SIPA1: variants seen among roughly 807,000 people sequenced by gnomAD.
The protein encoded by SIPA1 is signal-induced proliferation-associated protein 1.
A neutral mutation model predicts 88.1 loss-of-function variants in SIPA1; 51 were observed. The observed-to-expected ratio is 0.58, with a 90% CI of 0.46 to 0.73. SIPA1 has a LOEUF of 0.73. Ranked by LOEUF, SIPA1 falls within the 30% of genes least tolerant of loss-of-function variation. The pLI is 0.00. For missense variants in SIPA1, 1,348 were observed against 1,467.6 expected (o/e 0.92, Z 1.33); for synonymous variants, 681 against 664.8 (o/e 1.02, Z -0.37).
chr11:65,639,855 C>G (rs1855968529), intron 1 of SIPA1: 1 of 152,354 alleles, frequency 6.6e-6, no homozygotes, highest in South Asian at 2.1e-4. Context: ...CGCACACAGA[C>G]AGCAGTGGGC....
In SIPA1 at chr11:65,641,111, A is replaced by G. The variant is rs542502238; in HGVS notation, c.190A>G (p.Thr64Ala). Residue 64 changes from threonine to alanine, a missense_variant, in exon 2 of 16, where the codon ACG becomes GCG. Physicochemically the swap from Thr to Ala is moderately conservative, Grantham distance 58 (BLOSUM62 0). Transcript: ENST00000534313. ...GSDAGEARPP[T>A]PASPRARAHS... The stretch of plus-strand genomic sequence containing the variant: ...CGATGCAGGCGAGGCCAGGCCCCCC[A>G]CGCCAGCCAGCCCCCGTGCCCGTGC... 6.2e-7 allele frequency: 1 copy of G among 1,601,000 alleles called. No individual in the cohort carries two copies. The highest frequency in any genetic ancestry group is 2.2e-5 in the East Asian group (1 of 44,814).
Position 65,642,681 on chromosome 11 carries a change from C to T in SIPA1, c.984+42C>T. The T allele has an allele frequency of 6.8e-7, 1 of 1,463,830 alleles. No individual in the cohort carries two copies. Among genetic ancestry groups the T allele is most frequent in the Admixed American group, 2.3e-5 (1 of 43,476 alleles). 90.7% of individuals were successfully genotyped at this position (1,463,830 alleles called of 1,614,324 possible). ...GGAGCCCCCAGCCATACAGCTGGCC[C>T]CAGTCTGAACCCAGCCTGCCCAGCT... On this transcript the variant is annotated intron_variant, in intron 4 of 15. Transcript: ENST00000534313. The surrounding 1 kb of genome is among the most constrained non-coding windows in gnomAD (Gnocchi z 6.5).
In SIPA1 at chr11:65,642,394, G is replaced by C; in HGVS notation, c.807+17G>C. 1 of 1,589,384 alleles carries C rather than the reference G, an allele frequency of 6.3e-7. No homozygotes were observed. Among genetic ancestry groups the C allele is most frequent in the Non-Finnish European group, 8.6e-7 (1 of 1,166,354 alleles). ...ACCACGCAGGTGGGCCGGGATCGCG[G>C]GATCAGGACGTGGGTTGCCTCCCCG... On this transcript the variant is annotated intron_variant, in intron 3 of 15. Coordinates refer to ENST00000534313, the MANE Select transcript of SIPA1 (RefSeq NM_006747.4). The surrounding 1 kb of genome is among the most constrained non-coding windows in gnomAD (Gnocchi z 6.5).
rs1349891565 is a variant in SIPA1, at chr11:65,650,136, A to G, written c.2849-2A>G. 6.2e-7 allele frequency: 1 copy of G among 1,613,944 alleles called. No individual in the cohort carries two copies. The highest frequency in any genetic ancestry group is 8.5e-7 in the Non-Finnish European group (1 of 1,179,964). ...GCCCACCTGATCCCTTTGTCCCCAC[A>G]GGACAGCCCATCCCAGAGAGTGGAG... On this transcript the variant is annotated splice_acceptor_variant, in intron 13 of 15. Coordinates refer to ENST00000534313, the MANE Select transcript of SIPA1 (RefSeq NM_006747.4). LOFTEE classifies it high-confidence loss of function.
At chr11:65,641,738 C>A in intron 2 of SIPA1, 138 bp downstream of exon 2, 1 of 809,470 alleles carries the variant, frequency 1.2e-6, no homozygotes, top group Non-Finnish European at 1.9e-6. Flanking sequence ...AAGAGCTGAG[C>A]TGGGGTCCTC....
At chr11:65,647,725 C>T in intron 9 of SIPA1, 67 bp downstream of exon 9, 3 of 1,228,078 alleles carry the variant, frequency 2.4e-6, no homozygotes, top group Non-Finnish European at 2.1e-6. Context: ...TCTGCGCCTC[C>T]CGGGTCGCCA....
Position 65,646,247 on chromosome 11 carries a change from C to T in SIPA1, c.1290C>T (p.Asn430=). 6.2e-7 allele frequency: 1 copy of T among 1,614,112 alleles called. No homozygotes were observed. Among genetic ancestry groups the T allele is most frequent in the South Asian group, 1.1e-5 (1 of 91,088 alleles). Residue 430 remains asparagine, a synonymous_variant, in exon 7 of 16, where the codon AAC becomes AAT. Transcript: ENST00000534313. This position sits in a 1 kb window ranked among gnomAD's most constrained non-coding sequence, Gnocchi z 7.5. The stretch of plus-strand genomic sequence containing the variant: ...TCCTCCGGAAGCGCCACATTGGCAA[C>T]GACATTGTGACCATCGTGTTCCAGG... The part of the protein sequence containing the change: ...QQLLRKRHIG[N]DIVTIVFQEP...
rs1352658487 is a variant in SIPA1, at chr11:65,642,216, G to A, written c.680-34G>A. The A allele has an allele frequency of 3.2e-6, 5 of 1,546,040 alleles. No individual in the cohort carries two copies. The highest frequency in any genetic ancestry group is 2.8e-5 in the African/African-American group (2 of 72,658). On this transcript the variant is annotated intron_variant, in intron 2 of 15. Coordinates refer to ENST00000534313, the MANE Select transcript of SIPA1 (RefSeq NM_006747.4). The surrounding 1 kb of genome is among the most constrained non-coding windows in gnomAD (Gnocchi z 6.5). ...AGCGGGGGCGGGGCTGCCAGAGGGC[G>A]GGACCAATCGTTTTCTTCGGCGCGG...
In SIPA1 at chr11:65,650,485, G is replaced by A. The variant is rs1856243506; in HGVS notation, c.2982+6G>A. 1 of 1,614,124 alleles carries A rather than the reference G, an allele frequency of 6.2e-7. No homozygotes were observed. Among genetic ancestry groups the A allele is most frequent in the Non-Finnish European group, 8.5e-7 (1 of 1,179,992 alleles). ...TGCAGGAGGACCTGCAGAAGGTGAG[G>A]GGTGGGCTGAGCTTGGGGGGAGTCA... On this transcript the variant is annotated splice_donor_region_variant and intron_variant, in intron 15 of 15. Coordinates refer to ENST00000534313, the MANE Select transcript of SIPA1 (RefSeq NM_006747.4).
In SIPA1 at chr11:65,646,455, G is replaced by T; in HGVS notation, c.1422-1G>T. On this transcript the variant is annotated splice_acceptor_variant, in intron 7 of 15. Coordinates refer to ENST00000534313, the MANE Select transcript of SIPA1 (RefSeq NM_006747.4). LOFTEE classifies it high-confidence loss of function. This position sits in a 1 kb window ranked among gnomAD's most constrained non-coding sequence, Gnocchi z 7.5. The stretch of plus-strand genomic sequence containing the variant: ...CCTCACTAACGCCTCCCTCCCCGCA[G>T]GGTGGCCGTGAGCCGCACCCAGGAC... 1 of 1,586,356 alleles carries T rather than the reference G, an allele frequency of 6.3e-7. No individual in the cohort carries two copies. Among genetic ancestry groups the T allele is most frequent in the Non-Finnish European group, 8.5e-7 (1 of 1,171,024 alleles).
rs371556373 is a variant in SIPA1 at position 65,649,956 on chromosome 11, C to T, written c.2753C>T (p.Ser918Leu). 101 of 1,613,944 alleles carry T rather than the reference C, an allele frequency of 6.3e-5. No individual in the cohort carries two copies. Among genetic ancestry groups the T allele is most frequent in the African/African-American group, 3.9e-4 (29 of 75,016 alleles). The change falls in exon 13 of 16, where the codon TCG becomes TTG. Residue 918 changes from serine to leucine, a missense_variant. By Grantham distance (145) the Ser-to-Leu change is moderately radical (BLOSUM62 -2). Around this residue, in one of 4 missense-constraint regions of SIPA1, gnomAD observed 615 missense variants for 559.8 expected, o/e 1.10. Transcript: ENST00000534313. ...CTGCTCCTTGTGCCCACAGTCATGT[C>T]GGAGGCGGGCAGTGGGACCCTGGAG... Reference protein sequence around the residue: ...SLRNSISRIMSEAGSGTLEDE... With the variant: ...SLRNSISRIMLEAGSGTLEDE...
chr11:65,647,346 C>T (rs1856146939), intron 8 of SIPA1, 38 bp from the exon 9 acceptor site: 2 of 1,377,508 alleles, frequency 1.5e-6, no homozygotes, highest in African/African-American at 1.5e-5. Flanking sequence ...GGCCCCACCT[C>T]CCGGCAGCCC....
intron 8 of SIPA1, 150 bp downstream of exon 8, chr11:65,647,215 T>G: frequency 7.2e-7 from 1 of 1,396,964 alleles, no homozygotes; most frequent in East Asian, 2.7e-5. Context: ...AGGCCGGAAC[T>G]GGTGCCCTCG....
Position 65,646,628 on chromosome 11 carries a change from C to T in SIPA1, c.1594C>T (p.Arg532Cys), listed in dbSNP as rs868747260. The change falls in exon 8 of 16, where the codon CGC becomes TGC. Residue 532 changes from arginine (R) to cysteine (C), a missense_variant. Arg to Cys is a radical substitution (Grantham distance 180). This residue lies in a region of SIPA1 where 641 missense variants were observed against 797.7 expected (regional missense o/e 0.80). Coordinates refer to ENST00000534313, the MANE Select transcript of SIPA1 (RefSeq NM_006747.4). The surrounding 1 kb of genome is among the most constrained non-coding windows in gnomAD (Gnocchi z 7.5). ...GTTCCACGCCATGGCCACGCGCACC[C>T]GCCAGCAGTACCTGCAAGACCTGGC... ...RQFHAMATRT[R>C]QQYLQDLATN... 4.5e-6 allele frequency: 7 copies of T among 1,548,286 alleles called. No homozygotes were observed. Among genetic ancestry groups the T allele is most frequent in the Non-Finnish European group, 6.1e-6 (7 of 1,150,358 alleles).
chr11:65,641,524 G>A lies in SIPA1; in HGVS notation c.603G>A (p.Gln201=). The part of the protein sequence containing the change: ...NAAVSILEEP[Q]NRTSAYSLEH... The stretch of plus-strand genomic sequence containing the variant: ...CCGTGTCCATCCTGGAGGAGCCACA[G>A]AACCGAACCTCGGCCTACAGCCTGG... Residue 201 remains glutamine (Q), a synonymous_variant, in exon 2 of 16, where the codon CAG becomes CAA. Transcript: ENST00000534313. The A allele has an allele frequency of 1.2e-6, 2 of 1,612,434 alleles. No individual in the cohort carries two copies. Among genetic ancestry groups the A allele is most frequent in the Non-Finnish European group, 1.7e-6 (2 of 1,179,988 alleles).
intron 1 of SIPA1, among the ~76,000 whole-genome samples, chr11:65,638,890 G>A (rs1256310912): frequency 1.3e-5 from 2 of 152,218 alleles, no homozygotes; most frequent in African/African-American, 4.8e-5. Flanking sequence ...AGCGTGCAGA[G>A]CTCAGCCCAC....
At chr11:65,648,278 G>A (rs751069327) in intron 9 of SIPA1, among the ~76,000 whole-genome samples, 6 of 151,794 alleles carry the variant, frequency 4.0e-5, no homozygotes, top group Non-Finnish European at 7.4e-5. Context: ...ATTGGCACCC[G>A]CCCACCCAAC....
chr11:65,650,719 G>T lies in SIPA1; in HGVS notation c.*4G>T, dbSNP rs374197908. The stretch of plus-strand genomic sequence containing the variant: ...ACCCACCGCCGACCTGGCCTGAGCC[G>T]TCTGGAACCACCTGGGCCCCTGAGG... On this transcript the variant is annotated 3_prime_UTR_variant, in exon 16 of 16. Transcript: ENST00000534313. 4 of 1,566,392 alleles carry T rather than the reference G, an allele frequency of 2.6e-6. No homozygotes were observed. Among genetic ancestry groups the T allele is most frequent in the African/African-American group, 1.4e-5 (1 of 74,004 alleles).
chr11:65,647,262 G>A, intron 8 of SIPA1, 122 bp from the exon 9 acceptor site: 1 of 1,365,240 alleles, frequency 7.3e-7, no homozygotes, highest in Non-Finnish European at 9.5e-7. Flanking sequence ...TCGGGCGGTG[G>A]CACACGCGGC....
Sources: allele counts gnomAD v4.1 joint callset (sites outside exome capture counted in the v4.1 genomes callset), GRCh38; gene constraint gnomAD v4.1.1; regional missense constraint gnomAD v4.1.1; non-coding constraint Gnocchi (gnomAD v3.1); transcripts MANE v1.5; gene names NCBI Gene and HGNC (gene_info 2026-07-23, HGNC 2026-07-21).